The following WNK1 variants were observed in gnomAD, a reference collection of about 807,000 sequenced individuals.
WNK1 encodes the protein serine/threonine-protein kinase WNK1.
A neutral mutation model predicts 222.8 loss-of-function variants in WNK1; 38 were observed. The observed-to-expected ratio is 0.17, with a 90% CI of 0.13 to 0.22. The LOEUF is 0.22. WNK1 is among the 10% of genes least tolerant of loss of function. WNK1 has a pLI of 1.00. For synonymous variants in WNK1, 1,090 were observed against 1,092.9 expected (o/e 1.00, Z 0.05); for missense variants, 2,348 against 2,918.4 (o/e 0.80, Z 4.50).
rs1555164644 is a variant in WNK1 at position 908,842 on chromosome 12, A to AG, written c.*55dup. 9.2e-6 allele frequency: 2 copies of AG among 217,900 alleles called. No homozygotes were observed. Among genetic ancestry groups the AG allele is most frequent in the Non-Finnish European group, 1.8e-5 (2 of 109,238 alleles). The allele number at this position is 217,900 out of a possible 1,614,324, so 13.5% of individuals were successfully genotyped here. Reference sequence around the variant, plus strand: ...TCTGGGGGCAGGAGATGGAATGCTGAGGGGGTGGGTGGGGGTGGGAAGTAG... The same window carrying AG: ...TCTGGGGGCAGGAGATGGAATGCTGAGGGGGGTGGGTGGGGGTGGGAAGTAG... On this transcript the variant is annotated 3_prime_UTR_variant, in exon 28 of 28. Coordinates refer to ENST00000315939, the MANE Select transcript of WNK1 (RefSeq NM_018979.4).
intron 10 of WNK1, 60 bp from the exon 11 acceptor site, chr12:879,513 C>CTTTTTTTTTTTTTTTTTTTTTTTTTTTT: frequency 1.7e-5 from 7 of 403,022 alleles, no homozygotes; most frequent in East Asian, 1.1e-4. Context: ...GGCAGCCTTG[C>CTTTTTTTTTTTTTTTTTTTTTTTTTTTT]TTTTTTTTTT....
In WNK1 at chr12:908,608, C is replaced by G; in HGVS notation, c.6965C>G (p.Pro2322Arg). 1 of 1,614,188 alleles carries G rather than the reference C, an allele frequency of 6.2e-7. No individual in the cohort carries two copies. Among genetic ancestry groups the G allele is most frequent in the Non-Finnish European group, 8.5e-7 (1 of 1,180,046 alleles). Residue 2322 changes from proline (P) to arginine (R), a missense_variant, in exon 28 of 28, where the codon CCC becomes CGC. Coordinates refer to ENST00000315939, the MANE Select transcript of WNK1 (RefSeq NM_018979.4). ...SLGHFTKSMC[P>R]PQQYGFPATP... Reference sequence around the variant, plus strand: ...GGTCACTTCACCAAGTCTATGTGCCCCCCACAGCAGTATGGCTTTCCAGCT... The same window carrying G: ...GGTCACTTCACCAAGTCTATGTGCCGCCCACAGCAGTATGGCTTTCCAGCT...
At position 884,795 on chromosome 12, in the gene WNK1, C is replaced by T. The variant is rs200513331; in HGVS notation, c.3991C>T (p.Pro1331Ser). 56 of 1,614,090 alleles carry T rather than the reference C, an allele frequency of 3.5e-5. No individual in the cohort carries two copies. Among genetic ancestry groups the T allele is most frequent in the Non-Finnish European group, 4.2e-5 (49 of 1,180,042 alleles). ...TAPPNFSHTG[P>S]TFPVVPPFLS... The stretch of plus-strand genomic sequence containing the variant: ...ACCTCCAAACTTTAGTCATACAGGA[C>T]CAACATTTCCAGTAGTACCTCCTTT... The change falls in exon 19 of 28, where the codon CCA (proline) becomes TCA (serine). Residue 1331 changes from proline to serine, a missense_variant. Pro to Ser is a moderately conservative substitution (Grantham distance 74, BLOSUM62 -1). Transcript: ENST00000315939. The surrounding 1 kb of genome is among the most constrained non-coding windows in gnomAD (Gnocchi z 5.6).
Position 753,059 on chromosome 12 carries a change from C to T in WNK1, c.-507C>T, listed in dbSNP as rs1378815948. On this transcript the variant is annotated 5_prime_UTR_variant, in exon 1 of 28. Transcript: ENST00000315939. This position sits in a 1 kb window ranked among gnomAD's most constrained non-coding sequence, Gnocchi z 5.2. ...CCCTCGCCCGCCTCGGCCCCTCCCA[C>T]TCCTCTGCCCCGGGGCCGCCACCGC... 2.0e-5 allele frequency: 3 copies of T among 152,122 alleles called. No individual in the cohort carries two copies. The highest frequency in any genetic ancestry group is 4.4e-5 in the Non-Finnish European group (3 of 68,082). The allele number at this position is 152,122 out of a possible 1,614,324, so 9.4% of individuals were successfully genotyped here.
rs5795950 is a variant in WNK1 at position 779,397 on chromosome 12, GTT to G, written c.759+25084_759+25085del. On this transcript the variant is annotated intron_variant, in intron 1 of 27. Transcript: ENST00000315939. ...CTTTCTTTTCTTTCTTTTCTTTTCT[GTT>G]TTTTTTTTTTCTTTTTTTTTTTTGA... Among the ~76,000 whole-genome samples the G allele has an allele frequency of 1.1e-3, 139 of 124,256 alleles. 1 individual carries two copies. The highest frequency in any genetic ancestry group is 3.4e-3 in the African/African-American group (111 of 33,114). 81.5% of individuals were successfully genotyped at this position (124,256 alleles called of 152,430 possible).
chr12:850,904 G>C (rs1950373265), intron 4 of WNK1, among the ~76,000 whole-genome samples: 1 of 151,776 alleles, frequency 6.6e-6, no homozygotes, highest in Admixed American at 6.6e-5. Context: ...ACTTCTGAGG[G>C]CTCTGTTCTG....
At chr12:820,093 C>T (rs1286045436) in intron 2 of WNK1, among the ~76,000 whole-genome samples, 1 of 152,154 alleles carries the variant, frequency 6.6e-6, no homozygotes, top group Non-Finnish European at 1.5e-5. Context: ...TCCATTTCTA[C>T]AAGAAAAGGC....
In WNK1 at chr12:884,286, T is replaced by G; in HGVS notation, c.3844+43T>G. 1 of 1,612,898 alleles carries G rather than the reference T, an allele frequency of 6.2e-7. No individual in the cohort carries two copies. The highest frequency in any genetic ancestry group is 8.5e-7 in the Non-Finnish European group (1 of 1,179,244). ...CCACATTGTTATGTAAATTCTACAG[T>G]GCCTCTGCTATGTTGAAAGCTTAAT... is the stretch of plus-strand genomic sequence containing the variant. On this transcript the variant is annotated intron_variant, in intron 18 of 27. Transcript: ENST00000315939. The surrounding 1 kb of genome is among the most constrained non-coding windows in gnomAD (Gnocchi z 5.6).
At chr12:906,256 G>A (rs1452134931) in intron 26 of WNK1, 1 of 960,680 alleles carries the variant, frequency 1.0e-6, no homozygotes, top group Non-Finnish European at 1.2e-6. Context: ...AAGGAAAACA[G>A]ACAAGACCAT....
chr12:836,941 T>A (rs959984688), intron 4 of WNK1, among the ~76,000 whole-genome samples: 1 of 152,292 alleles, frequency 6.6e-6, no homozygotes, highest in Non-Finnish European at 1.5e-5. Flanking sequence ...TACATTTAGG[T>A]TTTTTTCTAT....
chr12:834,743 T>A (rs1316399727), intron 4 of WNK1, among the ~76,000 whole-genome samples: 2 of 152,200 alleles, frequency 1.3e-5, no homozygotes, highest in African/African-American at 4.8e-5. Context: ...GATAGTAGGC[T>A]GTGGTTATTG....
intron 6 of WNK1, 86 bp downstream of exon 6, chr12:859,550 C>A: frequency 1.0e-6 from 1 of 997,892 alleles, no homozygotes; most frequent in Non-Finnish European, 1.5e-6. Context: ...TGATGAAGTG[C>A]CGTGTGTGGC....
At chr12:821,986 A>C (rs1029886703) in intron 2 of WNK1, among the ~76,000 whole-genome samples, 6 of 150,662 alleles carry the variant, frequency 4.0e-5, no homozygotes, top group Non-Finnish European at 7.4e-5. Flanking sequence ...TAAAAAATCC[A>C]TTCTGCCCAT....
chr12:851,621 G>C, intron 4 of WNK1: 1 of 1,271,960 alleles, frequency 7.9e-7, no homozygotes. Flanking sequence ...TCCTTATGCT[G>C]TGGGCTGATG....
chr12:870,499 G>A (rs953701544), intron 8 of WNK1, among the ~76,000 whole-genome samples: 2 of 152,080 alleles, frequency 1.3e-5, no homozygotes, highest in Non-Finnish European at 2.9e-5. Context: ...TTTTCATTTC[G>A]TTAACATACC....
At chr12:803,976 A>C (rs1329885888) in intron 1 of WNK1, among the ~76,000 whole-genome samples, 2 of 152,240 alleles carry the variant, frequency 1.3e-5, no homozygotes, top group Non-Finnish European at 2.9e-5. Context: ...AGTTACACTT[A>C]TCAAGAGATT....
intron 1 of WNK1, among the ~76,000 whole-genome samples, chr12:775,429 G>C (rs1437718158): frequency 6.6e-6 from 1 of 152,144 alleles, no homozygotes; most frequent in Non-Finnish European, 1.5e-5. Flanking sequence ...CTAACGTAAA[G>C]TTTGATCAGA....
intron 1 of WNK1, among the ~76,000 whole-genome samples, chr12:807,711 C>CTTTTT (rs869122990): frequency 1.3e-4 from 10 of 78,796 alleles, no homozygotes; most frequent in South Asian, 5.6e-4. Flanking sequence ...AGCAATAATT[C>CTTTTT]TTTTTTTTTT....
intron 1 of WNK1, among the ~76,000 whole-genome samples, chr12:764,110 G>C (rs113643973): frequency 0.031 from 4,548 of 147,006 alleles, 613 homozygotes; most frequent in Non-Finnish European, 0.044. Flanking sequence ...AATAATGGAA[G>C]TAAATGAGAT....
Sources: gnomAD v4.1 joint callset for allele counts (sites outside exome capture counted in the v4.1 genomes callset) on GRCh38, gnomAD v4.1.1 for gene constraint, Gnocchi (gnomAD v3.1) non-coding constraint, MANE v1.5 for transcripts, NCBI Gene and HGNC (gene_info 2026-07-23, HGNC 2026-07-21) for gene names.